Variants in DDAH1 observed in about 807,000 individuals in gnomAD.
DDAH1 encodes the protein dimethylarginine dimethylaminohydrolase 1, also known as N(G),N(G)-dimethylarginine dimethylaminohydrolase 1.
A neutral mutation model predicts 28.8 loss-of-function variants in DDAH1; 19 were observed. The ratio of observed to expected loss-of-function variants is 0.66; its 90% CI spans 0.46 to 0.97. The LOEUF is 0.97. Ranked by LOEUF, DDAH1 falls within the 50% of genes least tolerant of loss-of-function variation. The probability of loss-of-function intolerance (pLI) is 0.00; values close to 1 mark genes in which losing one functional copy is unlikely to be tolerated. For synonymous variants in DDAH1, 153 were observed against 154.4 expected (o/e 0.99, Z 0.07); for missense variants, 326 against 375.9 (o/e 0.87, Z 1.10).
intron 1 of DDAH1, among the ~76,000 whole-genome samples, chr1:85,534,383 T>C (rs1658196718): frequency 6.6e-6 from 1 of 152,122 alleles, no homozygotes; most frequent in Non-Finnish European, 1.5e-5. Context: ...ATTTAACACA[T>C]CCCTTATTTC....
rs367660502 is a variant in DDAH1 at position 85,457,750 on chromosome 1, C to T, written c.303+6993G>A. 1.9e-4 allele frequency among the ~76,000 whole-genome samples: 29 copies of T among 152,314 alleles called. 1 individual carries two copies. Among genetic ancestry groups the T allele is most frequent in the Admixed American group, 5.2e-4 (8 of 15,296 alleles). ...TGTTGCCCAGGCCGGAGTGCTGTGG[C>T]GTGATCTTGGCTCACTGCAACCTCT... On this transcript the variant is annotated intron_variant, in intron 1 of 5. Transcript: ENST00000284031.
At position 85,351,261 on chromosome 1, in the gene DDAH1, C is replaced by T. The variant is rs886520499; in HGVS notation, c.477+245G>A. Among the ~76,000 whole-genome samples the T allele has an allele frequency of 5.9e-5, 9 of 151,988 alleles. 1 individual carries two copies. Among genetic ancestry groups the T allele is most frequent in the Admixed American group, 2.6e-4 (4 of 15,252 alleles). On this transcript the variant is annotated intron_variant, in intron 3 of 5. Coordinates refer to ENST00000284031, the MANE Select transcript of DDAH1 (RefSeq NM_012137.4). Reference sequence around the variant, plus strand: ...TCTGCCAGGTGGTTGTATAATTATACACTGGGAGAAGACAGAAGATGCCCA... The same window carrying T: ...TCTGCCAGGTGGTTGTATAATTATATACTGGGAGAAGACAGAAGATGCCCA...
chr1:85,360,250 C>T (rs1649716410), intron 1 of DDAH1, among the ~76,000 whole-genome samples: 1 of 152,196 alleles, frequency 6.6e-6, no homozygotes, highest in South Asian at 2.1e-4. Flanking sequence ...ATCATCTCAT[C>T]CTTGTCCTGG....
At chr1:85,446,133 T>G (rs978979165) in intron 1 of DDAH1, among the ~76,000 whole-genome samples, 8 of 152,204 alleles carry the variant, frequency 5.3e-5, no homozygotes, top group Non-Finnish European at 1.2e-4. Context: ...TGTATTAGTC[T>G]GCTTTCATAC....
At chr1:85,518,488 T>C (rs1298349304) in intron 1 of DDAH1, among the ~76,000 whole-genome samples, 2 of 152,192 alleles carry the variant, frequency 1.3e-5, no homozygotes, top group African/African-American at 4.8e-5. Flanking sequence ...CCTTAGCTCC[T>C]AGAGGCCTCT....
rs368482012 is a variant in DDAH1, at chr1:85,562,650, T to C, written c.-123+15334A>G. 8.5e-5 allele frequency among the ~76,000 whole-genome samples: 13 copies of C among 152,234 alleles called. No homozygotes were observed. In the East Asian group the frequency reaches 2.1e-3, roughly 25 times the overall value. Reference sequence around the variant, plus strand: ...GCCATGGAAAGATGGAAGCAGATATTGGAGCGACGCATACACAAACCAAGG... The same window carrying C: ...GCCATGGAAAGATGGAAGCAGATATCGGAGCGACGCATACACAAACCAAGG... On this transcript the variant is annotated intron_variant, in intron 1 of 6. Transcript: ENST00000426972.
At chr1:85,557,312 T>C (rs751942613) in intron 1 of DDAH1, among the ~76,000 whole-genome samples, 9 of 152,204 alleles carry the variant, frequency 5.9e-5, no homozygotes, top group Non-Finnish European at 1.3e-4. Context: ...CTAATCTTTA[T>C]TGAGCACTTA....
At chr1:85,336,481 C>T (rs902602824) in intron 4 of DDAH1, among the ~76,000 whole-genome samples, 1 of 151,692 alleles carries the variant, frequency 6.6e-6, no homozygotes, top group African/African-American at 2.4e-5. Flanking sequence ...AAAAAAATTC[C>T]AGAAACAAGT....
chr1:85,558,497 C>T (rs1659046985), intron 1 of DDAH1, among the ~76,000 whole-genome samples: 2 of 151,948 alleles, frequency 1.3e-5, no homozygotes, highest in African/African-American at 4.8e-5. Flanking sequence ...TTTTGATGGC[C>T]CAGACAACTC....
At chr1:85,555,294 TATA>T (rs1228830398) in intron 1 of DDAH1, among the ~76,000 whole-genome samples, 4 of 152,250 alleles carry the variant, frequency 2.6e-5, no homozygotes, top group Non-Finnish European at 5.9e-5. Flanking sequence ...TACAGCATTG[TATA>T]GTTGGCAAGC....
intron 1 of DDAH1, among the ~76,000 whole-genome samples, chr1:85,369,809 T>G (rs1019936628): frequency 6.6e-6 from 1 of 152,196 alleles, no homozygotes; most frequent in Admixed American, 6.5e-5. Context: ...ATAAAATGGC[T>G]AGGGTAGTTA....
At chr1:85,339,281 G>A (rs1039716843) in intron 4 of DDAH1, among the ~76,000 whole-genome samples, 2 of 152,084 alleles carry the variant, frequency 1.3e-5, no homozygotes, top group Non-Finnish European at 2.9e-5. Flanking sequence ...ACCCTATAAC[G>A]ATGAGTCACC....
chr1:85,549,101 T>C (rs1041921848), intron 1 of DDAH1, among the ~76,000 whole-genome samples: 2 of 152,218 alleles, frequency 1.3e-5, no homozygotes, highest in African/African-American at 4.8e-5. Flanking sequence ...AGTGAACTTT[T>C]GAGATTTTTC....
Position 85,358,806 on chromosome 1 carries a change from A to G in DDAH1, c.345T>C (p.Asn115=), listed in dbSNP as rs1649628624. Residue 115 remains asparagine, a synonymous_variant, in exon 2 of 6, where the codon AAT becomes AAC. Transcript: ENST00000284031. ...MKEALEKLQL[N]IVEMKDENAT... ...CATTTTCATCTTTCATCTCTACTATATTGAGCTGAAGTTTTTCTAATGCTT... is the reference window on the plus strand; with the variant it reads ...CATTTTCATCTTTCATCTCTACTATGTTGAGCTGAAGTTTTTCTAATGCTT... 1.2e-6 allele frequency: 2 copies of G among 1,611,820 alleles called. No individual in the cohort carries two copies. The highest frequency in any genetic ancestry group is 2.7e-5 in the African/African-American group (2 of 74,820).
chr1:85,432,437 C>A (rs975197015), intron 1 of DDAH1, among the ~76,000 whole-genome samples: 10 of 152,186 alleles, frequency 6.6e-5, no homozygotes, highest in African/African-American at 2.2e-4. Context: ...ATGCATGCTT[C>A]TAAATATCAT....
At chr1:85,457,903 C>T (rs1440422323) in intron 1 of DDAH1, among the ~76,000 whole-genome samples, 1 of 152,140 alleles carries the variant, frequency 6.6e-6, no homozygotes, top group Non-Finnish European at 1.5e-5. Flanking sequence ...GTTGGCCAGG[C>T]TGGTTTTGAA....
intron 1 of DDAH1, among the ~76,000 whole-genome samples, chr1:85,552,114 A>C (rs1489425689): frequency 6.6e-6 from 1 of 152,232 alleles, no homozygotes; most frequent in Non-Finnish European, 1.5e-5. Context: ...AGAAGGCCCA[A>C]ATCTAGTGAT....
intron 2 of DDAH1, among the ~76,000 whole-genome samples, chr1:85,476,235 CCTT>C (rs1644433676): frequency 6.6e-6 from 1 of 152,082 alleles, no homozygotes; most frequent in African/African-American, 2.4e-5. Context: ...TTCCTCAGCT[CCTT>C]CTTCTCATGC....
intron 1 of DDAH1, among the ~76,000 whole-genome samples, chr1:85,510,094 G>T (rs143775529): frequency 6.6e-6 from 1 of 152,096 alleles, no homozygotes. Context: ...AAGGGCAGCC[G>T]AAGAGAAAGG....
Sources: gnomAD v4.1 joint callset for allele counts (sites outside exome capture counted in the v4.1 genomes callset) on GRCh38, gnomAD v4.1.1 for gene constraint, MANE v1.5 for transcripts, NCBI Gene and HGNC (gene_info 2026-07-23, HGNC 2026-07-21) for gene names.